Variants in CTAGE1 observed in about 807,000 individuals in gnomAD.
CTAGE1 encodes cTAGE family member 2.
For missense variants in CTAGE1, 963 were observed against 855.9 expected (o/e 1.13, Z -1.56); for synonymous variants, 332 against 302.8 (o/e 1.10, Z -1.00).
In CTAGE1 at chr18:22,416,003, G is replaced by C. The variant is rs2078574263; in HGVS notation, c.1809C>G (p.Leu603=). 15 of 1,613,816 alleles carry C rather than the reference G, an allele frequency of 9.3e-6. No individual in the cohort carries two copies. The East Asian group carries it at 2.7e-4, about 29-fold the overall frequency. Residue 603 remains leucine (L), a synonymous_variant, in exon 1 of 1, where the codon CTC becomes CTG. Transcript: ENST00000391403. The part of the protein sequence containing the change: ...QDRFYSNCAR[L]SGPAELRSFN... ...AACTTCTGAGTTCTGCTGGTCCAGA[G>C]AGTCTAGCACAATTAGAATAAAATC...
chr18:22,417,014 G>C lies in CTAGE1; in HGVS notation c.798C>G (p.Asn266Lys). Residue 266 changes from asparagine (N) to lysine (K), a missense_variant, in exon 1 of 1, where the codon AAC becomes AAG. By Grantham distance (94) the Asn-to-Lys change is moderately conservative. Coordinates refer to ENST00000391403, the MANE Select transcript of CTAGE1 (RefSeq NM_172241.3). ...AGTAAGCACCATCTTCCGATTCACT[G>C]TTCATTTCTAATTCCAAGTTATCAT... ...TDDDNLELEM[N>K]SESEDGAYLD... 6.2e-7 allele frequency: 1 copy of C among 1,613,966 alleles called. No individual in the cohort carries two copies. The highest frequency in any genetic ancestry group is 8.5e-7 in the Non-Finnish European group (1 of 1,179,886).
rs557602643 is a variant in CTAGE1 at position 22,416,559 on chromosome 18, T to G, written c.1253A>C (p.Tyr418Ser). ...LKEFEKTIHF[Y>S]QKKIILHEKK... ...CTCATGGAGAATAATCTTCTTTTGA[T>G]AAAAATGAATAGTTTTCTCAAATTC... The change falls in exon 1 of 1, where the codon TAT (tyrosine) becomes TCT (serine). Residue 418 changes from tyrosine to serine, a missense_variant. Coordinates refer to ENST00000391403, the MANE Select transcript of CTAGE1 (RefSeq NM_172241.3). 15 of 1,610,592 alleles carry G rather than the reference T, an allele frequency of 9.3e-6. No individual in the cohort carries two copies. The highest frequency in any genetic ancestry group is 1.3e-5 in the Non-Finnish European group (15 of 1,179,324).
rs763766696 is a variant in CTAGE1 at position 22,416,131 on chromosome 18, C to T, written c.1681G>A (p.Ala561Thr). ...TCCCACGGAGGTGCCAGGGGCCCAG[C>T]GTCAGAAGGAGCCCTGTGAGGATCA... is the stretch of plus-strand genomic sequence containing the variant. The part of the protein sequence containing the change: ...LTDPHRAPSD[A>T]GPLAPPWEQD... The change falls in exon 1 of 1, where the codon GCT becomes ACT. Residue 561 changes from alanine (A) to threonine (T), a missense_variant. By Grantham distance (58) the Ala-to-Thr change is moderately conservative. Coordinates refer to ENST00000391403, the MANE Select transcript of CTAGE1 (RefSeq NM_172241.3). 1 of 1,613,926 alleles carries T rather than the reference C, an allele frequency of 6.2e-7. No homozygotes were observed.
Position 22,417,154 on chromosome 18 carries a change from T to G in CTAGE1, c.658A>C (p.Lys220Gln), listed in dbSNP as rs370758105. ...TTTAGAACTTGTTCTGCATGTACTT[T>G]GGAGTCTTCAAATGTTCTTTTCTGT... ...IKQKRTFEDS[K>Q]VHAEQVLNDK... The change falls in exon 1 of 1, where the codon AAA becomes CAA. Residue 220 changes from lysine to glutamine, a missense_variant. Transcript: ENST00000391403. 6.2e-7 allele frequency: 1 copy of G among 1,613,842 alleles called. No individual in the cohort carries two copies. Among genetic ancestry groups the G allele is most frequent in the African/African-American group, 1.3e-5 (1 of 74,936 alleles).
rs1300949209 is a variant in CTAGE1 at position 22,415,946 on chromosome 18, C to T, written c.1866G>A (p.Gly622=). 5.0e-6 allele frequency: 8 copies of T among 1,613,826 alleles called. No individual in the cohort carries two copies. The Admixed American group carries it at 1.3e-4, about 27-fold the overall frequency. Residue 622 remains glycine (G), a synonymous_variant, in exon 1 of 1, where the codon GGG becomes GGA. Coordinates refer to ENST00000391403, the MANE Select transcript of CTAGE1 (RefSeq NM_172241.3). ...TGGATTCCATTTCTGAAGGCATTGA[C>T]CCATCCATTTTATCCAAAGAAGGCA... ...FNMPSLDKMD[G]SMPSEMESSR...
Position 22,417,039 on chromosome 18 carries a change from T to C in CTAGE1, c.773A>G (p.Asp258Gly). The C allele has an allele frequency of 6.2e-7, 1 of 1,614,002 alleles. No individual in the cohort carries two copies. The highest frequency in any genetic ancestry group is 8.5e-7 in the Non-Finnish European group (1 of 1,179,870). Residue 258 changes from aspartate (D) to glycine (G), a missense_variant, in exon 1 of 1, where the codon GAT (aspartate) becomes GGT (glycine). By Grantham distance (94) the Asp-to-Gly change is moderately conservative. Transcript: ENST00000391403. ...VAMLEEDVTD[D>G]DNLELEMNSE... is the part of the protein sequence containing the mutation. ...GTTCATTTCTAATTCCAAGTTATCATCATCCGTTACATCTTCTTCAAGCAT... is the reference window on the plus strand; with the variant it reads ...GTTCATTTCTAATTCCAAGTTATCACCATCCGTTACATCTTCTTCAAGCAT...
Position 22,417,022 on chromosome 18 carries a change from C to G in CTAGE1, c.790G>C (p.Glu264Gln), listed in dbSNP as rs767860555. The change falls in exon 1 of 1, where the codon GAA becomes CAA. Residue 264 changes from glutamate (E) to glutamine (Q), a missense_variant. Glu to Gln is a conservative substitution (Grantham distance 29). Transcript: ENST00000391403. ...DVTDDDNLEL[E>Q]MNSESEDGAY... ...CCATCTTCCGATTCACTGTTCATTT[C>G]TAATTCCAAGTTATCATCATCCGTT... 26 of 1,613,898 alleles carry G rather than the reference C, an allele frequency of 1.6e-5. No individual in the cohort carries two copies. The South Asian group carries it at 2.4e-4, about 15-fold the overall frequency.
In CTAGE1 at chr18:22,416,525, T is replaced by C; in HGVS notation, c.1287A>G (p.Ala429=). 6.2e-7 allele frequency: 1 copy of C among 1,613,220 alleles called. No individual in the cohort carries two copies. Among genetic ancestry groups the C allele is most frequent in the Middle Eastern group, 1.7e-4 (1 of 6,056 alleles). ...QKKIILHEKK[A]HDNWSAAWTA... ...TCCAAGCTGCCGACCAATTATCATG[T>C]GCTTTTTTCTCATGGAGAATAATCT... is the stretch of plus-strand genomic sequence containing the variant. The change falls in exon 1 of 1, where the codon GCA becomes GCG. Residue 429 remains alanine (A), a synonymous_variant. Transcript: ENST00000391403.
rs778001588 is a variant in CTAGE1, at chr18:22,415,556, T to A, written c.*18A>T. On this transcript the variant is annotated 3_prime_UTR_variant, in exon 1 of 1. Coordinates refer to ENST00000391403, the MANE Select transcript of CTAGE1 (RefSeq NM_172241.3). Reference sequence around the variant, plus strand: ...CATTTGAAGTCGGACTCAACCCTGATGGAAACTCATTCTACCTTCAGAATG... The same window carrying A: ...CATTTGAAGTCGGACTCAACCCTGAAGGAAACTCATTCTACCTTCAGAATG... The A allele has an allele frequency of 7.7e-6, 12 of 1,566,452 alleles. No homozygotes were observed. The highest frequency in any genetic ancestry group is 3.4e-4 in the Middle Eastern group (2 of 5,822).
chr18:22,415,050 A>G lies in CTAGE1; in HGVS notation c.*524T>C. 1 of 482,620 alleles carries G rather than the reference A, an allele frequency of 2.1e-6. No homozygotes were observed. Among genetic ancestry groups the G allele is most frequent in the Non-Finnish European group, 3.6e-6 (1 of 275,478 alleles). The allele number at this position is 482,620 out of a possible 1,614,324, so 29.9% of individuals were successfully genotyped here. On this transcript the variant is annotated 3_prime_UTR_variant, in exon 1 of 1. Transcript: ENST00000391403. Reference sequence around the variant, plus strand: ...TTTAAAGTGAAATATTCTAACAGTTACATAGTATTCTACCTTCCCACCTGT... The same window carrying G: ...TTTAAAGTGAAATATTCTAACAGTTGCATAGTATTCTACCTTCCCACCTGT...
chr18:22,417,058 C>G lies in CTAGE1; in HGVS notation c.754G>C (p.Glu252Gln). Residue 252 changes from glutamate to glutamine, a missense_variant, in exon 1 of 1, where the codon GAA becomes CAA. Transcript: ENST00000391403. ...LKMKDGVAML[E>Q]EDVTDDDNLE... ...TTATCATCATCCGTTACATCTTCTT[C>G]AAGCATAGCAACCCCATCTTTCATC... 1.2e-6 allele frequency: 2 copies of G among 1,613,972 alleles called. No homozygotes were observed. The highest frequency in any genetic ancestry group is 3.3e-4 in the Middle Eastern group (2 of 6,054).
chr18:22,414,756 C>T lies in CTAGE1; in HGVS notation c.*818G>A. On this transcript the variant is annotated 3_prime_UTR_variant, in exon 1 of 1. Transcript: ENST00000391403. ...TCAGGAGAAACTGATCTATATAATT[C>T]TGGGGCAAGTAAAAGTTCTGGATAA... is the stretch of plus-strand genomic sequence containing the variant. 1 of 702,960 alleles carries T rather than the reference C, an allele frequency of 1.4e-6. No homozygotes were observed. Among genetic ancestry groups the T allele is most frequent in the Non-Finnish European group, 2.6e-6 (1 of 385,024 alleles). 43.5% of individuals were successfully genotyped at this position (702,960 alleles called of 1,614,324 possible).
rs745680070 is a variant in CTAGE1 at position 22,415,557 on chromosome 18, G to A, written c.*17C>T. 6 of 1,570,164 alleles carry A rather than the reference G, an allele frequency of 3.8e-6. No homozygotes were observed. The highest frequency in any genetic ancestry group is 5.2e-6 in the Non-Finnish European group (6 of 1,158,972). On this transcript the variant is annotated 3_prime_UTR_variant, in exon 1 of 1. Coordinates refer to ENST00000391403, the MANE Select transcript of CTAGE1 (RefSeq NM_172241.3). ...ATTTGAAGTCGGACTCAACCCTGAT[G>A]GAAACTCATTCTACCTTCAGAATGT...
Position 22,415,877 on chromosome 18 carries a change from A to T in CTAGE1, c.1935T>A (p.Pro645=). 4 of 1,613,960 alleles carry T rather than the reference A, an allele frequency of 2.5e-6. No individual in the cohort carries two copies. Among genetic ancestry groups the T allele is most frequent in the Non-Finnish European group, 3.4e-6 (4 of 1,179,858 alleles). Residue 645 remains proline, a synonymous_variant, in exon 1 of 1, where the codon CCT becomes CCA. Coordinates refer to ENST00000391403, the MANE Select transcript of CTAGE1 (RefSeq NM_172241.3). ...CATTTTCAGCGGGGAGAGATGAATC[A>T]GGCACCTTTAAATTACCAAGATTAT... is the stretch of plus-strand genomic sequence containing the variant. The part of the protein sequence containing the change: ...TKDNLGNLKV[P]DSSLPAENEA...
At position 22,416,419 on chromosome 18, in the gene CTAGE1, T is replaced by C; in HGVS notation, c.1393A>G (p.Lys465Glu). 1.2e-6 allele frequency: 2 copies of C among 1,613,622 alleles called. No homozygotes were observed. Among genetic ancestry groups the C allele is most frequent in the Non-Finnish European group, 8.5e-7 (1 of 1,179,832 alleles). The change falls in exon 1 of 1, where the codon AAA (lysine) becomes GAA (glutamate). Residue 465 changes from lysine to glutamate, a missense_variant. Physicochemically the swap from Lys to Glu is moderately conservative, Grantham distance 56 (BLOSUM62 1). Coordinates refer to ENST00000391403, the MANE Select transcript of CTAGE1 (RefSeq NM_172241.3). The stretch of plus-strand genomic sequence containing the variant: ...CCATAAGGATCTTTTTCTAAAAGTT[T>C]TATTTTAAACTCTATTTCAGTTAAT... ...QKLTEIEFKI[K>E]LLEKDPYGLD... is the part of the protein sequence containing the mutation.
chr18:22,415,804 C>A lies in CTAGE1; in HGVS notation c.2008G>T (p.Gly670Cys), dbSNP rs774936364. 6.2e-7 allele frequency: 1 copy of A among 1,613,858 alleles called. No homozygotes were observed. Among genetic ancestry groups the A allele is most frequent in the South Asian group, 1.1e-5 (1 of 91,064 alleles). ...FVPPPLAPIR[G>C]LLFPVDTRGP... ...CTTGTATCTACTGGAAACAATAAACCTCTGATTGGAGCAAGAGGTGGAGGA... is the reference window on the plus strand; with the variant it reads ...CTTGTATCTACTGGAAACAATAAACATCTGATTGGAGCAAGAGGTGGAGGA... The change falls in exon 1 of 1, where the codon GGT (glycine) becomes TGT (cysteine). Residue 670 changes from glycine (G) to cysteine (C), a missense_variant. Coordinates refer to ENST00000391403, the MANE Select transcript of CTAGE1 (RefSeq NM_172241.3).
rs1298764469 is a variant in CTAGE1, at chr18:22,416,099, G to C, written c.1713C>G (p.Asp571Glu). Residue 571 changes from aspartate to glutamate, a missense_variant, in exon 1 of 1, where the codon GAC becomes GAG. Transcript: ENST00000391403. Reference sequence around the variant, plus strand: ...CTGGTGGAGGAAACATCATCCTATAGTCCTGTTCCCACGGAGGTGCCAGGG... The same window carrying C: ...CTGGTGGAGGAAACATCATCCTATACTCCTGTTCCCACGGAGGTGCCAGGG... The part of the protein sequence containing the change: ...AGPLAPPWEQ[D>E]YRMMFPPPGQ... 2 of 1,613,838 alleles carry C rather than the reference G, an allele frequency of 1.2e-6. No homozygotes were observed. Among genetic ancestry groups the C allele is most frequent in the African/African-American group, 2.7e-5 (2 of 74,912 alleles).
In CTAGE1 at chr18:22,415,412, A is replaced by T. The variant is rs146777842; in HGVS notation, c.*162T>A. Reference sequence around the variant, plus strand: ...TAAGTTTCAATCTGAACAAAAGTGTAATCACTTAAGTAACAGCAGTTACTT... The same window carrying T: ...TAAGTTTCAATCTGAACAAAAGTGTTATCACTTAAGTAACAGCAGTTACTT... On this transcript the variant is annotated 3_prime_UTR_variant, in exon 1 of 1. Coordinates refer to ENST00000391403, the MANE Select transcript of CTAGE1 (RefSeq NM_172241.3). 2,022 of 610,234 alleles carry T rather than the reference A, an allele frequency of 3.3e-3. 49 individuals carry two copies. The African/African-American group carries it at 0.033, about 10-fold the overall frequency. The allele number at this position is 610,234 out of a possible 1,614,324, so 37.8% of individuals were successfully genotyped here.
chr18:22,415,016 T>TA lies in CTAGE1; in HGVS notation c.*557_*558insT, dbSNP rs200258851. 3.7e-3 allele frequency: 2,042 copies of TA among 552,070 alleles called. 35 individuals carry two copies. The highest frequency in any genetic ancestry group is 0.034 in the African/African-American group (1,814 of 53,046). 34.2% of individuals were successfully genotyped at this position (552,070 alleles called of 1,614,324 possible). On this transcript the variant is annotated 3_prime_UTR_variant, in exon 1 of 1. Coordinates refer to ENST00000391403, the MANE Select transcript of CTAGE1 (RefSeq NM_172241.3). ...AATCTATAAGACAGGAGATCCAAGA[T>TA]CATCTTGGTTTAAAGTGAAATATTC...
Sources: allele counts gnomAD v4.1 joint callset, GRCh38; gene constraint gnomAD v4.1.1; transcripts MANE v1.5; gene names NCBI Gene and HGNC (gene_info 2026-07-23, HGNC 2026-07-21).